TNFRSF10B: variants seen among roughly 807,000 people sequenced by gnomAD.
TNFRSF10B encodes TNF receptor superfamily member 10b.
In TNFRSF10B, 35 loss-of-function variants were observed where a neutral mutation model predicts 41.4. That is an observed-to-expected ratio of 0.85 (90% CI 0.65 to 1.12). TNFRSF10B has a LOEUF of 1.12. TNFRSF10B is among the 50% of genes most tolerant of loss of function. The pLI is 0.00. For missense variants in TNFRSF10B, 584 were observed against 552.7 expected, an observed-to-expected ratio of 1.06 and a Z score of -0.57; for synonymous variants, 230 against 215.5, an observed-to-expected ratio of 1.07 and a Z score of -0.59.
rs762948262 is a variant in TNFRSF10B at position 23,020,651 on chromosome 8, C to T, written c.*2020G>A. Reference sequence around the variant, plus strand: ...AGGTTGCACTGAGCCAAGATCGTACCGTTGCACTCCAGCCTGGGCGAGAGA... The same window carrying T: ...AGGTTGCACTGAGCCAAGATCGTACTGTTGCACTCCAGCCTGGGCGAGAGA... On this transcript the variant is annotated 3_prime_UTR_variant, in exon 9 of 9. Coordinates refer to ENST00000276431, the MANE Select transcript of TNFRSF10B (RefSeq NM_003842.5). 3.7e-5 allele frequency: 17 copies of T among 453,952 alleles called. No homozygotes were observed. The Middle Eastern group carries it at 3.5e-3, about 92-fold the overall frequency. The allele number at this position is 453,952 out of a possible 1,614,324, so 28.1% of individuals were successfully genotyped here.
chr8:23,057,337 G>A lies in TNFRSF10B; in HGVS notation c.144+11414C>T, dbSNP rs560327347. On this transcript the variant is annotated intron_variant, in intron 1 of 8. Coordinates refer to ENST00000276431, the MANE Select transcript of TNFRSF10B (RefSeq NM_003842.5). ...TGGGATTACAGGCGTGAGCCACCGC[G>A]CCTGGCCCTTTTATGACTTTACTAA... 1.9e-4 allele frequency among the ~76,000 whole-genome samples: 29 copies of A among 150,658 alleles called. 1 individual carries two copies. In the East Asian group the frequency reaches 4.7e-3, roughly 25 times the overall value.
chr8:23,040,367 A>AAATATATATACAAAATATATATTTAT (rs1563314065), intron 2 of TNFRSF10B, among the ~76,000 whole-genome samples: 306 of 23,554 alleles, frequency 0.013, 117 homozygotes, highest in Non-Finnish European at 0.02. Flanking sequence ...TATATATTTA[A>AAATATATATACAAAATATATATTTAT]TAAATATATA....
At chr8:23,037,112 C>T (rs375888855) in intron 2 of TNFRSF10B, among the ~76,000 whole-genome samples, 1 of 152,142 alleles carries the variant, frequency 6.6e-6, no homozygotes, top group African/African-American at 2.4e-5. Context: ...AAAAAGTGAT[C>T]TTAGCAGGGA....
intron 1 of TNFRSF10B, among the ~76,000 whole-genome samples, chr8:23,060,021 A>G (rs960493255): frequency 2.0e-5 from 3 of 152,162 alleles, no homozygotes; most frequent in Non-Finnish European, 4.4e-5. Context: ...GGAATTCTTT[A>G]TATATTTTAG....
intron 1 of TNFRSF10B, among the ~76,000 whole-genome samples, chr8:23,061,274 A>G (rs984001396): frequency 6.6e-6 from 1 of 152,210 alleles, no homozygotes; most frequent in African/African-American, 2.4e-5. Flanking sequence ...AATTGTCAAA[A>G]TACATCCTCC....
rs555907970 is a variant in TNFRSF10B at position 23,033,034 on chromosome 8, T to C, written c.251-2162A>G. On this transcript the variant is annotated intron_variant, in intron 2 of 8. Transcript: ENST00000276431. ...TTAGCTAATTTCTCACCAGGAACCA[T>C]AGAGCCCAGAAGGGAGTGGGTAACA... Among the ~76,000 whole-genome samples, 20 of 152,194 alleles carry C rather than the reference T, an allele frequency of 1.3e-4. 2 individuals are homozygous for C. The South Asian group carries it at 4.1e-3, about 32-fold the overall frequency.
intron 1 of TNFRSF10B, among the ~76,000 whole-genome samples, chr8:23,064,809 T>G (rs1563326434): frequency 1.3e-5 from 2 of 152,354 alleles, no homozygotes; most frequent in East Asian, 3.9e-4. Flanking sequence ...CTGCATAGGT[T>G]GTTGTGTGAA....
intron 1 of TNFRSF10B, among the ~76,000 whole-genome samples, chr8:23,045,802 T>C (rs1812340549): frequency 6.6e-6 from 1 of 152,224 alleles, no homozygotes; most frequent in Admixed American, 6.5e-5. Context: ...TCAATAAATG[T>C]GATATACCAT....
rs188704110 is a variant in TNFRSF10B, at chr8:23,029,471, C to T, written c.476+139G>A. The T allele has an allele frequency of 1.3e-4, 107 of 796,810 alleles. No homozygotes were observed. In the Admixed American group the frequency reaches 1.4e-3, roughly 10 times the overall value. 49.4% of individuals were successfully genotyped at this position (796,810 alleles called of 1,614,324 possible). ...GCTGCAGGGGGCAGGGGTGGTGACA[C>T]GCAGAGGGACCAGGAGGGGCAGCCA... On this transcript the variant is annotated intron_variant, in intron 4 of 8. Transcript: ENST00000276431.
rs150192996 is a variant in TNFRSF10B at position 23,043,220 on chromosome 8, G to A, written c.168C>T (p.Ile56=). The A allele has an allele frequency of 6.9e-4, 1,110 of 1,614,130 alleles. No homozygotes were observed. The highest frequency in any genetic ancestry group is 8.9e-4 in the Non-Finnish European group (1,045 of 1,180,020). The change falls in exon 2 of 9, where the codon ATC becomes ATT. Residue 56 remains isoleucine (I), a synonymous_variant. Coordinates refer to ENST00000276431, the MANE Select transcript of TNFRSF10B (RefSeq NM_003842.5). ...LLLVSAESAL[I]TQQDLAPQQR... ...GCTGGGGAGCTAGGTCTTGTTGGGT[G>A]ATCAGAGCAGACTCAGCTGAGACCT...
At chr8:23,053,381 G>C (rs1812576901) in intron 1 of TNFRSF10B, among the ~76,000 whole-genome samples, 1 of 152,182 alleles carries the variant, frequency 6.6e-6, no homozygotes, top group Non-Finnish European at 1.5e-5. Context: ...AGTTGTGTAA[G>C]GAAAGTAAAA....
intron 2 of TNFRSF10B, among the ~76,000 whole-genome samples, chr8:23,036,477 A>T (rs1812033596): frequency 6.6e-6 from 1 of 152,206 alleles, no homozygotes; most frequent in Non-Finnish European, 1.5e-5. Flanking sequence ...CACCACATAC[A>T]GGTAACCCTT....
intron 2 of TNFRSF10B, among the ~76,000 whole-genome samples, chr8:23,040,891 C>T (rs7834266): frequency 0.38 from 57,397 of 151,880 alleles, 10,958 homozygotes; most frequent in East Asian, 0.48. Flanking sequence ...CTGATAAAAA[C>T]GTGATTATTT....
rs1028608179 is a variant in TNFRSF10B, at chr8:23,027,595, C to T, written c.780+127G>A. ...TGTGTCCCCCACAGTCAGCCCAGAG[C>T]ACCCAGGCCACTTCAGAGAGTCAGG... On this transcript the variant is annotated intron_variant, in intron 6 of 8. Transcript: ENST00000276431. The T allele has an allele frequency of 6.9e-5, 91 of 1,314,304 alleles. No individual in the cohort carries two copies. In the Middle Eastern group the frequency reaches 7.3e-4, roughly 11 times the overall value. The allele number at this position is 1,314,304 out of a possible 1,614,324, so 81.4% of individuals were successfully genotyped here. A position where few individuals can be genotyped will look rare whatever the true frequency, so the allele number is the denominator to read the frequency against.
intron 2 of TNFRSF10B, among the ~76,000 whole-genome samples, chr8:23,032,466 C>T (rs1383610727): frequency 2.6e-5 from 4 of 152,164 alleles, no homozygotes; most frequent in Non-Finnish European, 5.9e-5. Flanking sequence ...GTGTGAGTCC[C>T]GCCAACTCTG....
At chr8:23,059,703 G>T (rs562203896) in intron 1 of TNFRSF10B, among the ~76,000 whole-genome samples, 57 of 152,108 alleles carry the variant, frequency 3.7e-4, no homozygotes, top group South Asian at 1.0e-3. Flanking sequence ...TAGTGGAGAC[G>T]GGGTCTCACC....
At chr8:23,067,451 A>G (rs1039373773) in intron 1 of TNFRSF10B, among the ~76,000 whole-genome samples, 1 of 152,006 alleles carries the variant, frequency 6.6e-6, no homozygotes, top group Non-Finnish European at 1.5e-5. Flanking sequence ...GAGATAAAAA[A>G]AAAACCCCAC....
chr8:23,035,305 C>T (rs1811999908), intron 2 of TNFRSF10B, among the ~76,000 whole-genome samples: 1 of 152,084 alleles, frequency 6.6e-6, no homozygotes, highest in Non-Finnish European at 1.5e-5. Context: ...CCACATCCAA[C>T]TAATTTTTGT....
rs1254873667 is a variant in TNFRSF10B at position 23,029,612 on chromosome 8, T to C, written c.474A>G (p.Thr158=). 26 of 1,609,140 alleles carry C rather than the reference T, an allele frequency of 1.6e-5. No homozygotes were observed. The highest frequency in any genetic ancestry group is 2.2e-5 in the Non-Finnish European group (26 of 1,177,484). The change falls in exon 4 of 9, where the codon ACA becomes ACG. Residue 158 remains threonine (T), a splice_region_variant and synonymous_variant. Coordinates refer to ENST00000276431, the MANE Select transcript of TNFRSF10B (RefSeq NM_003842.5). ...GGAGCCCCCGGCTCCTGTCTCACCCTGTGCGGCACTTCCGGCACATCTCAG... is the reference window on the plus strand; with the variant it reads ...GGAGCCCCCGGCTCCTGTCTCACCCCGTGCGGCACTTCCGGCACATCTCAG... ...DSPEMCRKCR[T]GCPRGMVKVG... is the part of the protein sequence containing the mutation.
Sources: allele counts gnomAD v4.1 joint callset (sites outside exome capture counted in the v4.1 genomes callset), GRCh38; gene constraint gnomAD v4.1.1; transcripts MANE v1.5; gene names NCBI Gene and HGNC (gene_info 2026-07-23, HGNC 2026-07-21).